The following PCDH9 variants were observed in gnomAD, a reference collection of about 807,000 sequenced individuals.
The protein encoded by PCDH9 is protocadherin-9.
A neutral mutation model predicts 70.6 loss-of-function variants in PCDH9; 24 were observed. The observed-to-expected ratio is 0.34, with a 90% CI of 0.25 to 0.48. The LOEUF (loss-of-function observed/expected upper bound fraction) is 0.48. Among genes scored for constraint, PCDH9 ranks in the 20% least tolerant of loss-of-function variants. PCDH9 has a pLI of 0.99. For synonymous variants in PCDH9, 562 were observed against 558.5 expected (o/e 1.01, Z -0.09); for missense variants, 1,281 against 1,503.6 (o/e 0.85, Z 2.45).
intron 3 of PCDH9, among the ~76,000 whole-genome samples, chr13:66,736,792 A>G (rs2079155973): frequency 6.6e-6 from 1 of 152,160 alleles, no homozygotes; most frequent in South Asian, 2.1e-4. Flanking sequence ...CCATTTCTGA[A>G]ACATACACTT....
chr13:66,939,842 ATATT>A (rs2082979966), intron 2 of PCDH9, among the ~76,000 whole-genome samples: 1 of 152,178 alleles, frequency 6.6e-6, no homozygotes, highest in South Asian at 2.1e-4. Context: ...CTGTCAGGTA[ATATT>A]TATTTCTAGA....
intron 3 of PCDH9, among the ~76,000 whole-genome samples, chr13:66,755,319 A>G (rs2139235817): frequency 6.6e-6 from 1 of 152,152 alleles, no homozygotes; most frequent in South Asian, 2.1e-4. Flanking sequence ...TATTGTAAAC[A>G]CTCTTGAGAG....
intron 3 of PCDH9, among the ~76,000 whole-genome samples, chr13:66,853,064 A>G (rs116625526): frequency 0.03 from 4,618 of 152,028 alleles, 236 homozygotes; most frequent in African/African-American, 0.1. Flanking sequence ...ATGTAATCTG[A>G]ACATTAGAGA....
chr13:66,577,361 G>A (rs1339118373), intron 4 of PCDH9, among the ~76,000 whole-genome samples: 1 of 151,718 alleles, frequency 6.6e-6, no homozygotes, highest in Non-Finnish European at 1.5e-5. Flanking sequence ...GAATTATAAA[G>A]TAAATAATAG....
intron 2 of PCDH9, among the ~76,000 whole-genome samples, chr13:66,979,049 C>A (rs191741876): frequency 2.2e-3 from 329 of 151,958 alleles, no homozygotes; most frequent in Non-Finnish European, 2.6e-3. Flanking sequence ...TGTTGAATAT[C>A]CATATTTGGG....
chr13:67,080,774 A>ATT (rs1343391751), intron 2 of PCDH9, among the ~76,000 whole-genome samples: 1 of 152,238 alleles, frequency 6.6e-6, no homozygotes. Flanking sequence ...CAGCAAACAA[A>ATT]TACAACCAAT....
intron 2 of PCDH9, among the ~76,000 whole-genome samples, chr13:66,934,967 G>A (rs1318494687): frequency 2.6e-5 from 4 of 151,432 alleles, no homozygotes; most frequent in Non-Finnish European, 2.9e-5. Flanking sequence ...TGATCCGCCC[G>A]CCTCGGCCTC....
intron 4 of PCDH9, among the ~76,000 whole-genome samples, chr13:66,600,784 G>A (rs1342958512): frequency 6.9e-6 from 1 of 143,966 alleles, no homozygotes; most frequent in Non-Finnish European, 1.6e-5. Flanking sequence ...GTGTGTGTGT[G>A]TGTGTGTGTG....
intron 2 of PCDH9, among the ~76,000 whole-genome samples, chr13:67,194,612 T>C (rs2089009686): frequency 6.6e-6 from 1 of 152,204 alleles, no homozygotes; most frequent in East Asian, 1.9e-4. Context: ...TTTTGCAATG[T>C]AAAACCTTTG....
chr13:66,399,451 C>T (rs997487525), intron 4 of PCDH9, among the ~76,000 whole-genome samples: 1 of 152,004 alleles, frequency 6.6e-6, no homozygotes, highest in Non-Finnish European at 1.5e-5. Context: ...CTTCTTTTGG[C>T]CATGCTTAAA....
At chr13:67,109,073 AT>A (rs1405414944) in intron 2 of PCDH9, among the ~76,000 whole-genome samples, 1 of 152,168 alleles carries the variant, frequency 6.6e-6, no homozygotes, top group African/African-American at 2.4e-5. Context: ...AAATGTACAT[AT>A]TTTATAAATT....
intron 2 of PCDH9, among the ~76,000 whole-genome samples, chr13:66,938,344 G>GA (rs1443633401): frequency 3.3e-5 from 5 of 152,018 alleles, no homozygotes; most frequent in African/African-American, 1.2e-4. Context: ...ATTGCTATTT[G>GA]AAAAAAAGAG....
At chr13:66,865,577 A>G (rs558454589) in intron 3 of PCDH9, among the ~76,000 whole-genome samples, 63 of 152,328 alleles carry the variant, frequency 4.1e-4, no homozygotes, top group Admixed American at 2.9e-3. Flanking sequence ...GATAATAGAC[A>G]TTTGATAATT....
chr13:66,973,912 T>G (rs1296946116), intron 2 of PCDH9, among the ~76,000 whole-genome samples: 1 of 152,052 alleles, frequency 6.6e-6, no homozygotes, highest in Non-Finnish European at 1.5e-5. Flanking sequence ...AACAAACACA[T>G]CTACACTTGC....
chr13:67,047,886 C>A (rs562353390), intron 2 of PCDH9, among the ~76,000 whole-genome samples: 25 of 152,144 alleles, frequency 1.6e-4, no homozygotes, highest in Non-Finnish European at 2.6e-4. Context: ...AAGCACTCTA[C>A]GCTACCAGTT....
chr13:66,473,919 T>C (rs1288852037), intron 4 of PCDH9, among the ~76,000 whole-genome samples: 3 of 152,118 alleles, frequency 2.0e-5, no homozygotes, highest in African/African-American at 7.2e-5. Flanking sequence ...CCTTGAACGG[T>C]TGTCTTAATA....
At chr13:66,653,504 G>A (rs1221357911) in intron 3 of PCDH9, among the ~76,000 whole-genome samples, 1 of 151,972 alleles carries the variant, frequency 6.6e-6, no homozygotes, top group Non-Finnish European at 1.5e-5. Context: ...CCAAAAGACA[G>A]GCCATAACAA....
intron 4 of PCDH9, among the ~76,000 whole-genome samples, chr13:66,550,536 C>A (rs539234655): frequency 1.3e-5 from 2 of 152,230 alleles, no homozygotes; most frequent in East Asian, 3.9e-4. Flanking sequence ...TTCATTCCCT[C>A]CACCATCTTT....
intron 3 of PCDH9, among the ~76,000 whole-genome samples, chr13:66,781,486 G>A (rs912192): frequency 0.39 from 59,660 of 152,090 alleles, 11,947 homozygotes; most frequent in East Asian, 0.58. Flanking sequence ...AAATCAGCAT[G>A]GGAAATTATA....
Sources: allele counts gnomAD v4.1 joint callset (sites outside exome capture counted in the v4.1 genomes callset), GRCh38; gene constraint gnomAD v4.1.1; transcripts MANE v1.5; gene names NCBI Gene and HGNC (gene_info 2026-07-23, HGNC 2026-07-21).